Variants in INKA2 observed in about 807,000 individuals in gnomAD.
INKA2 encodes the protein PAK4-inhibitor INKA2.
In INKA2, 3 loss-of-function variants were observed where a neutral mutation model predicts 9.8. The ratio of observed to expected loss-of-function variants is 0.31; its 90% CI spans 0.14 to 0.79. INKA2 has a LOEUF of 0.79. Ranked by LOEUF, INKA2 falls within the 30% of genes least tolerant of loss-of-function variation. INKA2 has a pLI of 0.62. For missense variants in INKA2, 392 were observed against 384.4 expected, an observed-to-expected ratio of 1.02 and a Z score of -0.17; for synonymous variants, 147 against 143.3, an observed-to-expected ratio of 1.03 and a Z score of -0.18.
chr1:111,755,774 T>G (rs1236788972), exon 1 of INKA2: 2 of 1,612,740 alleles, frequency 1.2e-6, no homozygotes, highest in African/African-American at 2.7e-5. Context: ...CTGGGCAGTC[T>G]CTCAGCCTCC....
upstream of INKA2, chr1:111,739,972 G>C (rs938464255): frequency 2.6e-5 from 4 of 151,076 alleles, no homozygotes; most frequent in African/African-American, 9.9e-5. Flanking sequence ...GCCGAGGGTC[G>C]GCTGCGCCCC....
intron 1 of INKA2, among the ~76,000 whole-genome samples, chr1:111,734,438 C>T (rs1436232112): frequency 1.3e-5 from 2 of 151,984 alleles, no homozygotes; most frequent in African/African-American, 2.4e-5. Context: ...GTGTCTCTTG[C>T]CTGACTCTTG....
At chr1:111,745,714 G>T (rs971364024) in intron 1 of INKA2, 1 of 152,152 alleles carries the variant, frequency 6.6e-6, no homozygotes, top group African/African-American at 2.4e-5. Flanking sequence ...ACTGTACCAG[G>T]AAAGAAAATG....
At chr1:111,745,231 T>TATATACACACACACACACAC (rs1356034280) in intron 1 of INKA2, 2 of 112,722 alleles carry the variant, frequency 1.8e-5, no homozygotes, top group Admixed American at 1.0e-4. Context: ...CAAGCAAATA[T>TATATACACACACACACACAC]ACACACACAC....
chr1:111,749,716 G>A lies in INKA2; in HGVS notation n.124+5985C>T, dbSNP rs376431658. The stretch of plus-strand genomic sequence containing the variant: ...CCATCGGTCAGCAGGCAACTGACAG[G>A]TGTACCCCTCCCTGAGCCCCATTCA... On this transcript the variant is annotated intron_variant and non_coding_transcript_variant, in intron 1 of 1. Coordinates refer to the INKA2 transcript ENST00000444059. Among the ~76,000 whole-genome samples the A allele has an allele frequency of 2.0e-5, 3 of 152,126 alleles. No individual in the cohort carries two copies. The East Asian group carries it at 5.8e-4, about 29-fold the overall frequency.
rs764184754 is a variant in INKA2, at chr1:111,739,217, T to G, written c.26A>C (p.Asp9Ala). 7.4e-6 allele frequency: 12 copies of G among 1,613,592 alleles called. No homozygotes were observed. The highest frequency in any genetic ancestry group is 1.3e-5 in the African/African-American group (1 of 74,888). MTMESREM[D>A]CYLRRLKQEL... is the part of the protein sequence containing the mutation. Reference sequence around the variant, plus strand: ...CTGTTTGAGGCGACGGAGATAGCAGTCCATTTCCCTGCTCTCCATCGTCAT... The same window carrying G: ...CTGTTTGAGGCGACGGAGATAGCAGGCCATTTCCCTGCTCTCCATCGTCAT... The change falls in exon 1 of 2, where the codon GAC becomes GCC. Residue 9 changes from aspartate to alanine, a missense_variant. Coordinates refer to ENST00000357260, the MANE Select transcript of INKA2 (RefSeq NM_019099.5).
intron 1 of INKA2, among the ~76,000 whole-genome samples, chr1:111,738,369 A>G (rs901241062): frequency 1.3e-5 from 2 of 151,904 alleles, no homozygotes; most frequent in African/African-American, 4.8e-5. Flanking sequence ...GCTTTAGCGA[A>G]CACCACTCCC....
upstream of INKA2, among the ~76,000 whole-genome samples, chr1:111,743,571 A>G (rs1663191680): frequency 6.6e-6 from 1 of 152,162 alleles, no homozygotes; most frequent in Non-Finnish European, 1.5e-5. Context: ...AATAATGGAA[A>G]CACCACCATT....
chr1:111,748,173 C>T (rs753626627), intron 1 of INKA2, among the ~76,000 whole-genome samples: 14 of 152,198 alleles, frequency 9.2e-5, no homozygotes, highest in South Asian at 2.1e-4. Context: ...ATTTTCCTGA[C>T]GGCCCATGAA....
intron 1 of INKA2, among the ~76,000 whole-genome samples, chr1:111,737,163 A>C (rs1287460283): frequency 6.6e-6 from 1 of 152,176 alleles, no homozygotes; most frequent in African/African-American, 2.4e-5. Flanking sequence ...TGCTCAGACA[A>C]AGGGCCAAAT....
chr1:111,734,068 T>C (rs1199331168), intron 1 of INKA2, among the ~76,000 whole-genome samples: 1 of 152,172 alleles, frequency 6.6e-6, no homozygotes, highest in Non-Finnish European at 1.5e-5. Flanking sequence ...GCTCAGTGAA[T>C]AGGGACCTTC....
intron 1 of INKA2, chr1:111,746,272 A>G (rs1040075868): frequency 6.6e-6 from 1 of 152,222 alleles, no homozygotes; most frequent in African/African-American, 2.4e-5. Flanking sequence ...ATACCAAGAG[A>G]AGACCTCAAA....
chr1:111,755,291 T>C lies in INKA2; in HGVS notation n.124+410A>G, dbSNP rs1382612607. On this transcript the variant is annotated intron_variant and non_coding_transcript_variant, in intron 1 of 1. Transcript: ENST00000444059. ...TCCAGGTTCCAATTCAACGTACTTT[T>C]ATCAGAGCTCACTGTGCGCCAGGGA... 7 of 205,838 alleles carry C rather than the reference T, an allele frequency of 3.4e-5. No individual in the cohort carries two copies. In the East Asian group the frequency reaches 8.7e-4, roughly 26 times the overall value. 12.8% of individuals were successfully genotyped at this position (205,838 alleles called of 1,614,324 possible).
chr1:111,740,501 G>C (rs912872431), upstream of INKA2, among the ~76,000 whole-genome samples: 2 of 152,232 alleles, frequency 1.3e-5, no homozygotes, highest in Admixed American at 1.3e-4. Context: ...GTGGCGGAGA[G>C]CACGGAGAGT....
At chr1:111,752,254 G>C (rs1264437465) in intron 1 of INKA2, among the ~76,000 whole-genome samples, 1 of 152,132 alleles carries the variant, frequency 6.6e-6, no homozygotes, top group Non-Finnish European at 1.5e-5. Flanking sequence ...TCTATCTTGG[G>C]GAGGTAAGCT....
chr1:111,727,879 G>A (rs1662822956), intron 1 of INKA2, 75 bp from the exon 2 acceptor site: 1 of 1,427,790 alleles, frequency 7.0e-7, no homozygotes, highest in South Asian at 1.1e-5. Context: ...CTGAACTTAG[G>A]TCCCCCACCC....
chr1:111,727,073 T>C lies in INKA2; in HGVS notation c.789A>G (p.Pro263=). 1 of 1,614,088 alleles carries C rather than the reference T, an allele frequency of 6.2e-7. No homozygotes were observed. Among genetic ancestry groups the C allele is most frequent in the Non-Finnish European group, 8.5e-7 (1 of 1,180,034 alleles). The stretch of plus-strand genomic sequence containing the variant: ...CCCCTCGCCTGTGCTCCCCGGTGCC[T>C]GGGAAGGGGAAATGTCCAGAGCCCT... ...LSKGSGHFPF[P]GTGEHRRGEN... The change falls in exon 2 of 2, where the codon CCA becomes CCG. Residue 263 remains proline, a synonymous_variant. Coordinates refer to ENST00000357260, the MANE Select transcript of INKA2 (RefSeq NM_019099.5).
Position 111,722,838 on chromosome 1 carries a change from T to G in INKA2, c.*4130A>C. 1 of 477,372 alleles carries G rather than the reference T, an allele frequency of 2.1e-6. No homozygotes were observed. Among genetic ancestry groups the G allele is most frequent in the East Asian group, 3.7e-5 (1 of 27,086 alleles). 29.6% of individuals were successfully genotyped at this position (477,372 alleles called of 1,614,324 possible). On this transcript the variant is annotated 3_prime_UTR_variant, in exon 2 of 2. Coordinates refer to ENST00000357260, the MANE Select transcript of INKA2 (RefSeq NM_019099.5). ...CACTTTTTCTTAAGCACTTTTGCCTTGGGTCACATGGTTAGTGCCTCTACT... is the reference window on the plus strand; with the variant it reads ...CACTTTTTCTTAAGCACTTTTGCCTGGGGTCACATGGTTAGTGCCTCTACT...
chr1:111,733,450 G>C (rs1662953313), intron 1 of INKA2, among the ~76,000 whole-genome samples: 1 of 152,170 alleles, frequency 6.6e-6, no homozygotes, highest in South Asian at 2.1e-4. Context: ...TTAGCCTCCT[G>C]GGATTGTTGT....
Sources: allele counts gnomAD v4.1 joint callset (sites outside exome capture counted in the v4.1 genomes callset), GRCh38; gene constraint gnomAD v4.1.1; transcripts MANE v1.5; gene names NCBI Gene and HGNC (gene_info 2026-07-23, HGNC 2026-07-21).